The following PSD3 variants were observed in gnomAD, a reference collection of about 807,000 sequenced individuals.
The protein encoded by PSD3 is PH and SEC7 domain-containing protein 3.
In PSD3, 49 loss-of-function variants were observed where a neutral mutation model predicts 105.5. The ratio of observed to expected loss-of-function variants is 0.46; its 90% CI spans 0.37 to 0.59. The LOEUF is 0.59. Among genes scored for constraint, PSD3 ranks in the 20% least tolerant of loss-of-function variants. The pLI is 0.00. For synonymous variants in PSD3, 557 were observed against 457.8 expected (o/e 1.22, Z -2.77); for missense variants, 1,561 against 1,263.8 (o/e 1.24, Z -3.57).
intron 8 of PSD3, among the ~76,000 whole-genome samples, chr8:18,766,269 G>A (rs1806992460): frequency 6.6e-6 from 1 of 152,176 alleles, no homozygotes; most frequent in Non-Finnish European, 1.5e-5. Context: ...AGGAGGCAGA[G>A]GTTGCAGTGA....
chr8:19,048,184 T>A (rs79023425), intron 1 of PSD3, among the ~76,000 whole-genome samples: 350 of 152,190 alleles, frequency 2.3e-3, no homozygotes, highest in Non-Finnish European at 4.2e-3. Context: ...CTGAAATAAA[T>A]CTGAATGCCA....
At chr8:18,958,930 T>C (rs1823742134) in intron 1 of PSD3, among the ~76,000 whole-genome samples, 2 of 53,860 alleles carry the variant, frequency 3.7e-5, no homozygotes, top group African/African-American at 7.6e-5. Flanking sequence ...TTTTTTTTTT[T>C]TTTCTTTTGA....
At chr8:18,601,672 A>G (rs760399260) in intron 11 of PSD3, among the ~76,000 whole-genome samples, 3 of 152,216 alleles carry the variant, frequency 2.0e-5, no homozygotes, top group Admixed American at 1.3e-4. Context: ...GCTTAAAGGT[A>G]TACTAAAAAT....
chr8:18,589,340 G>A (rs1205338180), intron 12 of PSD3, among the ~76,000 whole-genome samples: 1 of 152,148 alleles, frequency 6.6e-6, no homozygotes, highest in African/African-American at 2.4e-5. Context: ...AAAGTAATGT[G>A]AGAATTTTAG....
In PSD3 at chr8:18,572,801, C is replaced by G; in HGVS notation, c.2640-129G>C. ...TTACTCCTCCTGGTACAACTAATCC[C>G]TGACAAAACTTCATTAGAGATGAAC... On this transcript the variant is annotated intron_variant, in intron 13 of 15. Transcript: ENST00000327040. 5.8e-6 allele frequency: 6 copies of G among 1,027,770 alleles called. No homozygotes were observed. The South Asian group carries it at 9.8e-5, about 17-fold the overall frequency. 63.7% of individuals were successfully genotyped at this position (1,027,770 alleles called of 1,614,324 possible). A position where few individuals can be genotyped will look rare whatever the true frequency, so the allele number is the denominator to read the frequency against.
rs561010572 is a variant in PSD3 at position 18,573,182 on chromosome 8, T to C, written c.2640-510A>G. ...ACTATCCAAGAGAAATAAAAACATATAGATATGCCAGACGTGGTGGCTCAT... is the reference window on the plus strand; with the variant it reads ...ACTATCCAAGAGAAATAAAAACATACAGATATGCCAGACGTGGTGGCTCAT... On this transcript the variant is annotated intron_variant, in intron 13 of 15. Coordinates refer to ENST00000327040, the MANE Select transcript of PSD3 (RefSeq NM_015310.4). Among the ~76,000 whole-genome samples the C allele has an allele frequency of 1.1e-4, 17 of 152,196 alleles. No homozygotes were observed. The South Asian group carries it at 1.7e-3, about 15-fold the overall frequency.
chr8:18,681,884 A>C (rs1398499796), intron 9 of PSD3, among the ~76,000 whole-genome samples: 3 of 152,106 alleles, frequency 2.0e-5, no homozygotes, highest in African/African-American at 7.2e-5. Flanking sequence ...TGCCTCAAAA[A>C]AATACTAATC....
chr8:18,845,464 T>C (rs757213911), intron 4 of PSD3, among the ~76,000 whole-genome samples: 10 of 152,154 alleles, frequency 6.6e-5, no homozygotes, highest in African/African-American at 9.7e-5. Flanking sequence ...TCCAGGTGCA[T>C]AGCACGGCAT....
chr8:18,728,958 C>G (rs544297556), intron 9 of PSD3, among the ~76,000 whole-genome samples: 1 of 152,294 alleles, frequency 6.6e-6, no homozygotes, highest in East Asian at 1.9e-4. Flanking sequence ...AAGCAGAGAT[C>G]TGGTTTCAGG....
chr8:18,938,155 A>G (rs926634835), intron 1 of PSD3, among the ~76,000 whole-genome samples: 7 of 152,246 alleles, frequency 4.6e-5, no homozygotes, highest in Non-Finnish European at 1.0e-4. Flanking sequence ...CTTTTAAAAG[A>G]TCATATGGGT....
chr8:18,559,986 C>T (rs779369465), intron 14 of PSD3, among the ~76,000 whole-genome samples: 64 of 152,170 alleles, frequency 4.2e-4, no homozygotes, highest in Non-Finnish European at 5.9e-5. Context: ...TGCTTCACTA[C>T]TATTTCACTG....
chr8:18,820,040 A>T (rs1414304418), intron 4 of PSD3, among the ~76,000 whole-genome samples: 1 of 152,202 alleles, frequency 6.6e-6, no homozygotes, highest in African/African-American at 2.4e-5. Flanking sequence ...ACTGAGACAA[A>T]AGTATTATTT....
intron 8 of PSD3, among the ~76,000 whole-genome samples, chr8:18,788,881 G>T (rs1809435532): frequency 6.6e-6 from 1 of 152,186 alleles, no homozygotes; most frequent in Non-Finnish European, 1.5e-5. Flanking sequence ...GTTTGATTAT[G>T]TCATGCTGCC....
intron 1 of PSD3, among the ~76,000 whole-genome samples, chr8:19,033,790 A>AT (rs1827850990): frequency 6.6e-6 from 1 of 152,106 alleles, no homozygotes; most frequent in Non-Finnish European, 1.5e-5. Context: ...AAACAACTCT[A>AT]TAACTGTATG....
At chr8:18,983,748 T>C (rs1473403635) in intron 1 of PSD3, among the ~76,000 whole-genome samples, 2 of 151,988 alleles carry the variant, frequency 1.3e-5, no homozygotes, top group Non-Finnish European at 2.9e-5. Context: ...CCTGTAATCC[T>C]ACCATTTTGG....
At chr8:18,708,187 C>A (rs1226404496) in intron 9 of PSD3, among the ~76,000 whole-genome samples, 11 of 152,196 alleles carry the variant, frequency 7.2e-5, no homozygotes. Context: ...CTTACTCTTT[C>A]TTCCTTCTTT....
intron 9 of PSD3, among the ~76,000 whole-genome samples, chr8:18,682,396 TATG>T (rs1563168005): frequency 6.6e-6 from 1 of 152,216 alleles, no homozygotes; most frequent in Non-Finnish European, 1.5e-5. Context: ...TATTTAAGAA[TATG>T]ATAAACCATT....
chr8:18,767,996 C>T (rs1198258664), intron 8 of PSD3, among the ~76,000 whole-genome samples: 1 of 150,662 alleles, frequency 6.6e-6, no homozygotes, highest in African/African-American at 2.4e-5. Flanking sequence ...AGAGGCCGGG[C>T]GCGGTGGCTC....
intron 9 of PSD3, among the ~76,000 whole-genome samples, chr8:18,713,581 T>C (rs952568473): frequency 3.9e-5 from 6 of 151,998 alleles, no homozygotes; most frequent in African/African-American, 1.5e-4. Context: ...ACAAGGGAAG[T>C]GAACGACCTC....
Sources: gnomAD v4.1 joint callset for allele counts (sites outside exome capture counted in the v4.1 genomes callset) on GRCh38, gnomAD v4.1.1 for gene constraint, MANE v1.5 for transcripts, NCBI Gene and HGNC (gene_info 2026-07-23, HGNC 2026-07-21) for gene names.